The following NDST3 variants were observed in gnomAD, a reference collection of about 807,000 sequenced individuals.
NDST3 encodes the protein bifunctional heparan sulfate N-deacetylase/N-sulfotransferase 3.
NDST3 carries 58 observed loss-of-function variants against 96.1 expected under a neutral mutation model. The observed-to-expected ratio is 0.60, with a 90% CI of 0.49 to 0.75. The LOEUF is 0.75. Ranked by LOEUF, NDST3 falls within the 30% of genes least tolerant of loss-of-function variation. NDST3 has a pLI of 0.00. For synonymous variants in NDST3, 333 were observed against 359.7 expected, an observed-to-expected ratio of 0.93 and a Z score of 0.84; for missense variants, 788 against 1,034.2, an observed-to-expected ratio of 0.76 and a Z score of 3.27.
intron 6 of NDST3, among the ~76,000 whole-genome samples, chr4:118,145,896 T>C (rs1733905232): frequency 6.6e-6 from 1 of 152,162 alleles, no homozygotes; most frequent in Admixed American, 6.5e-5. Flanking sequence ...CCAACTCTAA[T>C]ACTGGAAGCA....
intron 2 of NDST3, among the ~76,000 whole-genome samples, chr4:118,086,628 T>C (rs561286926): frequency 1.4e-4 from 22 of 152,230 alleles, no homozygotes; most frequent in African/African-American, 5.3e-4. Context: ...TTCTTGCTTG[T>C]TGGAAAATCA....
intron 2 of NDST3, among the ~76,000 whole-genome samples, chr4:118,072,205 T>C (rs2125803095): frequency 6.6e-6 from 1 of 152,254 alleles, no homozygotes; most frequent in African/African-American, 2.4e-5. Flanking sequence ...TTGCTTTGGC[T>C]ATTCAGGCAC....
At chr4:118,133,394 T>C (rs1376096440) in intron 4 of NDST3, among the ~76,000 whole-genome samples, 1 of 151,888 alleles carries the variant, frequency 6.6e-6, no homozygotes, top group Admixed American at 6.6e-5. Context: ...GTGCTCTCCC[T>C]CCCCCACATA....
intron 13 of NDST3, among the ~76,000 whole-genome samples, chr4:118,254,189 G>A (rs1400207500): frequency 6.6e-6 from 1 of 150,712 alleles, no homozygotes; most frequent in African/African-American, 2.5e-5. Context: ...AGGTCACAGT[G>A]AGCCCAGATT....
At chr4:118,190,880 A>G (rs898276594) in intron 6 of NDST3, among the ~76,000 whole-genome samples, 3 of 152,198 alleles carry the variant, frequency 2.0e-5, no homozygotes, top group Non-Finnish European at 4.4e-5. Context: ...AGTCATTCCT[A>G]TTTTACCAAG....
intron 6 of NDST3, among the ~76,000 whole-genome samples, chr4:118,202,634 G>A (rs2125980891): frequency 6.6e-6 from 1 of 152,226 alleles, no homozygotes; most frequent in Admixed American, 6.5e-5. Context: ...TTGGCATATA[G>A]AAAATGCTAC....
At chr4:118,219,507 G>A (rs1047300008) in intron 6 of NDST3, among the ~76,000 whole-genome samples, 3 of 152,056 alleles carry the variant, frequency 2.0e-5, no homozygotes, top group Non-Finnish European at 1.5e-5. Flanking sequence ...ACAGAAACTG[G>A]ACTCCTTCCT....
chr4:118,107,101 A>C (rs71627751), intron 3 of NDST3, among the ~76,000 whole-genome samples: 114,290 of 151,702 alleles, frequency 0.75, 45,676 homozygotes, highest in South Asian at 0.92. Flanking sequence ...AAATAATAAT[A>C]ATAATAATAA....
intron 1 of NDST3, among the ~76,000 whole-genome samples, chr4:118,044,245 T>C (rs1490439222): frequency 2.6e-5 from 4 of 152,252 alleles, no homozygotes; most frequent in Non-Finnish European, 5.9e-5. Flanking sequence ...TTTTGTATTC[T>C]GCTGTTATGC....
intron 1 of NDST3, among the ~76,000 whole-genome samples, chr4:118,036,612 C>T (rs76604684): frequency 1.3e-5 from 2 of 152,148 alleles, no homozygotes; most frequent in Non-Finnish European, 2.9e-5. Context: ...ATCCTCAAAA[C>T]TATTTCATGA....
chr4:118,151,766 C>T (rs1734415275), intron 6 of NDST3, among the ~76,000 whole-genome samples: 2 of 152,082 alleles, frequency 1.3e-5, no homozygotes, highest in African/African-American at 4.8e-5. Context: ...CCTAAGTGAC[C>T]AGAGAACTCT....
chr4:118,215,129 G>A (rs1167441531), intron 6 of NDST3, among the ~76,000 whole-genome samples: 1 of 151,892 alleles, frequency 6.6e-6, no homozygotes. Flanking sequence ...ATAAAATTTA[G>A]GAGAAAGATA....
In NDST3 at chr4:118,254,799, C is replaced by T. The variant is rs574056870; in HGVS notation, c.2503-794C>T. On this transcript the variant is annotated intron_variant, in intron 13 of 13. Transcript: ENST00000296499. ...AACTTATTAGAATACTTTAACAAAA[C>T]CTTGAGGACTACTTTTTGTGCCTTG... is the stretch of plus-strand genomic sequence containing the variant. Among the ~76,000 whole-genome samples the T allele has an allele frequency of 4.6e-5, 7 of 152,246 alleles. No individual in the cohort carries two copies. In the South Asian group the frequency reaches 1.5e-3, roughly 32 times the overall value.
At chr4:118,204,044 C>T (rs1381143805) in intron 6 of NDST3, among the ~76,000 whole-genome samples, 2 of 152,062 alleles carry the variant, frequency 1.3e-5, no homozygotes, top group Non-Finnish European at 2.9e-5. Flanking sequence ...GATTCTGGAC[C>T]CAATTCAGTT....
chr4:118,234,447 C>T (rs995886821), intron 9 of NDST3, among the ~76,000 whole-genome samples: 1 of 151,954 alleles, frequency 6.6e-6, no homozygotes, highest in Non-Finnish European at 1.5e-5. Flanking sequence ...TCGACTACTT[C>T]AGCTGTATTT....
chr4:118,228,852 T>C (rs1480516706), intron 8 of NDST3, among the ~76,000 whole-genome samples: 1 of 152,238 alleles, frequency 6.6e-6, no homozygotes, highest in Non-Finnish European at 1.5e-5. Context: ...GTGTAGTCTT[T>C]TGTAACTGAC....
At chr4:118,076,920 G>A (rs1258572011) in intron 2 of NDST3, among the ~76,000 whole-genome samples, 1 of 152,184 alleles carries the variant, frequency 6.6e-6, no homozygotes, top group Non-Finnish European at 1.5e-5. Flanking sequence ...ATCTGTGTGA[G>A]CTGATGATCA....
chr4:118,129,125 T>G (rs1337848477), intron 4 of NDST3, among the ~76,000 whole-genome samples: 1 of 151,782 alleles, frequency 6.6e-6, no homozygotes, highest in Non-Finnish European at 1.5e-5. Context: ...TTGTTTATCT[T>G]AGAAAAATCC....
At chr4:118,143,283 AAAG>A (rs780418407) in intron 5 of NDST3, among the ~76,000 whole-genome samples, 8 of 152,084 alleles carry the variant, frequency 5.3e-5, no homozygotes, top group Non-Finnish European at 1.0e-4. Flanking sequence ...AGGCTTCATA[AAAG>A]AAGTACTCAC....
Sources: allele counts gnomAD v4.1 joint callset (sites outside exome capture counted in the v4.1 genomes callset), GRCh38; gene constraint gnomAD v4.1.1; transcripts MANE v1.5; gene names NCBI Gene and HGNC (gene_info 2026-07-23, HGNC 2026-07-21).